Variants in TAFA4 observed in about 807,000 individuals in gnomAD.
TAFA4 encodes the protein TAFA chemokine like family member 4, also known as chemokine-like protein TAFA-4.
In TAFA4, 20 loss-of-function variants were observed where a neutral mutation model predicts 21.1. The observed-to-expected ratio is 0.95, with a 90% CI of 0.67 to 1.38. TAFA4 has a LOEUF of 1.38. Ranked by LOEUF, TAFA4 falls within the 40% of genes most tolerant of loss-of-function variation. TAFA4 has a pLI of 0.00. For synonymous variants in TAFA4, 71 were observed against 67.4 expected (o/e 1.05, Z -0.26); for missense variants, 211 against 180.9 (o/e 1.17, Z -0.95).
chr3:68,911,332 A>G lies in TAFA4; in HGVS notation c.-123+20908T>C, dbSNP rs575947978. ...ATCAACCACAGAAAGGTGCTGTCCA[A>G]TTAGAATCAAATGTTCTTTTCCAAG... On this transcript the variant is annotated intron_variant, in intron 1 of 5. Transcript: ENST00000295569. 5.9e-5 allele frequency among the ~76,000 whole-genome samples: 9 copies of G among 152,368 alleles called. 1 individual carries two copies. Among genetic ancestry groups the G allele is most frequent in the East Asian group, 3.9e-4 (2 of 5,192 alleles).
intron 4 of TAFA4, among the ~76,000 whole-genome samples, chr3:68,739,915 A>T (rs992228612): frequency 6.6e-6 from 1 of 152,244 alleles, no homozygotes; most frequent in African/African-American, 2.4e-5. Flanking sequence ...TACAAAGTAC[A>T]CTATTTGGGT....
chr3:68,896,860 T>C (rs1266984543), intron 1 of TAFA4, among the ~76,000 whole-genome samples: 1 of 152,164 alleles, frequency 6.6e-6, no homozygotes, highest in Non-Finnish European at 1.5e-5. Flanking sequence ...CAATACTCAT[T>C]TTTATCTTAT....
chr3:68,917,011 G>C (rs2090010286), intron 1 of TAFA4, among the ~76,000 whole-genome samples: 1 of 152,166 alleles, frequency 6.6e-6, no homozygotes, highest in Non-Finnish European at 1.5e-5. Context: ...CAATTACTAA[G>C]GTAGGGGGAA....
intron 4 of TAFA4, among the ~76,000 whole-genome samples, chr3:68,752,561 A>G (rs1702575340): frequency 6.6e-6 from 1 of 152,212 alleles, no homozygotes; most frequent in Admixed American, 6.5e-5. Context: ...AGAACAGGGC[A>G]TCAGAGGAAA....
At chr3:68,752,609 T>C (rs932653718) in intron 4 of TAFA4, among the ~76,000 whole-genome samples, 1 of 152,092 alleles carries the variant, frequency 6.6e-6, no homozygotes, top group Non-Finnish European at 1.5e-5. Context: ...GACAGGTGGG[T>C]AAAAGGAATT....
intron 1 of TAFA4, among the ~76,000 whole-genome samples, chr3:68,911,427 CA>C (rs1266375848): frequency 1.3e-5 from 2 of 152,196 alleles, no homozygotes; most frequent in Non-Finnish European, 2.9e-5. Context: ...GCACTGTGCT[CA>C]ACAAGGTCCC....
chr3:68,807,266 AAAAGAC>A (rs1444044965), intron 3 of TAFA4, among the ~76,000 whole-genome samples: 1 of 152,214 alleles, frequency 6.6e-6, no homozygotes, highest in African/African-American at 2.4e-5. Flanking sequence ...AAAGATTATC[AAAAGAC>A]AAAGGCAATT....
At chr3:68,886,796 G>A (rs1236076307) in intron 1 of TAFA4, among the ~76,000 whole-genome samples, 2 of 152,136 alleles carry the variant, frequency 1.3e-5, no homozygotes, top group Admixed American at 6.6e-5. Flanking sequence ...TTCTGCTGCT[G>A]TAACAGAACA....
intron 3 of TAFA4, among the ~76,000 whole-genome samples, chr3:68,853,611 T>TA (rs1553647846): frequency 6.6e-6 from 1 of 152,182 alleles, no homozygotes; most frequent in Non-Finnish European, 1.5e-5. Flanking sequence ...CTTCTACATT[T>TA]TCCTCCAGTG....
intron 2 of TAFA4, among the ~76,000 whole-genome samples, chr3:68,884,827 T>C (rs1399250519): frequency 6.6e-6 from 1 of 152,230 alleles, no homozygotes; most frequent in African/African-American, 2.4e-5. Context: ...AGCAATAAGT[T>C]CCCTGTCTCT....
intron 3 of TAFA4, among the ~76,000 whole-genome samples, chr3:68,847,052 T>C (rs950682052): frequency 1.3e-4 from 20 of 152,198 alleles, no homozygotes; most frequent in Non-Finnish European, 1.5e-5. Context: ...ACTGTGCTGG[T>C]AGATCTGCTG....
intron 4 of TAFA4, among the ~76,000 whole-genome samples, chr3:68,750,055 T>C (rs1702532722): frequency 6.6e-6 from 1 of 152,252 alleles, no homozygotes; most frequent in East Asian, 1.9e-4. Flanking sequence ...TCCGTATCAC[T>C]GATCCTGTGA....
chr3:68,915,069 A>G (rs1421484700), intron 1 of TAFA4, among the ~76,000 whole-genome samples: 1 of 152,194 alleles, frequency 6.6e-6, no homozygotes, highest in Non-Finnish European at 1.5e-5. Flanking sequence ...AAAGTTTGTC[A>G]ATCCCTGCTG....
chr3:68,900,382 AT>A (rs1279032028), intron 1 of TAFA4, among the ~76,000 whole-genome samples: 1 of 151,950 alleles, frequency 6.6e-6, no homozygotes, highest in East Asian at 1.9e-4. Context: ...AAGCAATATA[AT>A]TCCAATAGTA....
At chr3:68,880,685 G>A (rs749302391) in intron 3 of TAFA4, 45 bp downstream of exon 3, 8 of 1,495,910 alleles carry the variant, frequency 5.3e-6, no homozygotes, top group South Asian at 1.1e-5. Flanking sequence ...ACATTTGGAG[G>A]GGTTTTATTA....
At chr3:68,874,225 A>G (rs1346234914) in intron 3 of TAFA4, among the ~76,000 whole-genome samples, 1 of 152,142 alleles carries the variant, frequency 6.6e-6, no homozygotes, top group African/African-American at 2.4e-5. Flanking sequence ...CTTAGTAGTC[A>G]AATTGTTTTT....
chr3:68,878,959 C>T (rs1323273891), intron 3 of TAFA4, among the ~76,000 whole-genome samples: 1 of 152,116 alleles, frequency 6.6e-6, no homozygotes, highest in Admixed American at 6.6e-5. Flanking sequence ...GGGAGATTCC[C>T]ACCTTTCTTC....
intron 3 of TAFA4, among the ~76,000 whole-genome samples, chr3:68,863,287 T>C (rs1359030088): frequency 6.6e-6 from 1 of 151,974 alleles, no homozygotes; most frequent in African/African-American, 2.4e-5. Flanking sequence ...ACAGTATATT[T>C]CCAGTAAGAA....
chr3:68,828,642 G>A lies in TAFA4; in HGVS notation c.130+52088C>T, dbSNP rs7632037. 6.6e-3 allele frequency among the ~76,000 whole-genome samples: 1,006 copies of A among 152,260 alleles called. 11 individuals are homozygous for A. The highest frequency in any genetic ancestry group is 0.022 in the African/African-American group (934 of 41,528). ...GTATTTTATTCTCTTTGAGGCAATT[G>A]TGAATGGGAGTTCACTCATGATTTG... On this transcript the variant is annotated intron_variant, in intron 3 of 5. Transcript: ENST00000295569.
Sources: allele counts gnomAD v4.1 joint callset (sites outside exome capture counted in the v4.1 genomes callset), GRCh38; gene constraint gnomAD v4.1.1; transcripts MANE v1.5; gene names NCBI Gene and HGNC (gene_info 2026-07-23, HGNC 2026-07-21).